PTPRS: variants seen among roughly 807,000 people sequenced by gnomAD.
PTPRS encodes receptor-type tyrosine-protein phosphatase S.
A neutral mutation model predicts 215.3 loss-of-function variants in PTPRS; 63 were observed. That is an observed-to-expected ratio of 0.29 (90% CI 0.24 to 0.36). The LOEUF is 0.36. PTPRS is among the 10% of genes least tolerant of loss of function. PTPRS has a pLI of 1.00. For synonymous variants in PTPRS, 1,404 were observed against 1,191.4 expected (o/e 1.18, Z -3.68); for missense variants, 2,258 against 2,825.8 (o/e 0.80, Z 4.56).
intron 1 of PTPRS, among the ~76,000 whole-genome samples, chr19:5,314,891 C>T (rs931514939): frequency 3.9e-5 from 6 of 152,190 alleles, no homozygotes; most frequent in African/African-American, 9.7e-5. Context: ...TCATTCAGAA[C>T]GTGGTTGCTG....
In PTPRS at chr19:5,229,527, C is replaced by T. The variant is rs573710734; in HGVS notation, c.2313G>A (p.Pro771=). Residue 771 remains proline (P), a synonymous_variant, in exon 15 of 38, where the codon CCG becomes CCA. Transcript: ENST00000262963. ...VRMEGAEARG[P]PRIKDVMLAD... ...CCAGCATGACGTCCTTGATGCGCGG[C>T]GGCCCGCGGGCCTCGGCGCCCTCCA... 5.1e-5 allele frequency: 74 copies of T among 1,465,080 alleles called. No individual in the cohort carries two copies. In the African/African-American group the frequency reaches 9.2e-4, roughly 18 times the overall value. The allele number at this position is 1,465,080 out of a possible 1,614,324, so 90.8% of individuals were successfully genotyped here.
intron 4 of PTPRS, among the ~76,000 whole-genome samples, chr19:5,265,536 C>T (rs2046338880): frequency 6.6e-6 from 1 of 152,084 alleles, no homozygotes; most frequent in South Asian, 2.1e-4. Context: ...GAGAGGGGGT[C>T]TCGCTGTGTT....
chr19:5,265,922 C>T lies in PTPRS; in HGVS notation c.380-726G>A, dbSNP rs368756813. ...GTTCATTTACAGCAGCCTGAGGACG[C>T]CTTTCTTTTTATCTTTTAAAAAATT... On this transcript the variant is annotated intron_variant, in intron 4 of 37. Transcript: ENST00000262963. Among the ~76,000 whole-genome samples, 3 of 152,074 alleles carry T rather than the reference C, an allele frequency of 2.0e-5. No individual in the cohort carries two copies. The East Asian group carries it at 5.8e-4, about 29-fold the overall frequency.
At position 5,257,503 on chromosome 19, in the gene PTPRS, C is replaced by T. The variant is rs1049191718; in HGVS notation, c.706+514G>A. The T allele has an allele frequency of 2.2e-5, 10 of 455,004 alleles. No homozygotes were observed. The highest frequency in any genetic ancestry group is 4.1e-4 in the Middle Eastern group (1 of 2,434). The allele number at this position is 455,004 out of a possible 1,614,324, so 28.2% of individuals were successfully genotyped here. On this transcript the variant is annotated intron_variant, in intron 8 of 37. Coordinates refer to ENST00000262963, the MANE Select transcript of PTPRS (RefSeq NM_002850.4). This position sits in a 1 kb window ranked among gnomAD's most constrained non-coding sequence, Gnocchi z 4.4. ...TGGTGGGGGGTGGGAGGGGCAGCCT[C>T]GAAGACCCCTCCTCAACTTCTAGAT... is the stretch of plus-strand genomic sequence containing the variant.
chr19:5,328,263 C>A (rs1011730464), intron 1 of PTPRS, among the ~76,000 whole-genome samples: 1 of 152,116 alleles, frequency 6.6e-6, no homozygotes, highest in African/African-American at 2.4e-5. Flanking sequence ...ATTACTGGCA[C>A]ACACCACCAC....
intron 37 of PTPRS, 84 bp downstream of exon 37, chr19:5,207,838 C>A: frequency 6.4e-7 from 1 of 1,562,404 alleles, no homozygotes; most frequent in Non-Finnish European, 8.7e-7. Flanking sequence ...GGTGGCTGTA[C>A]CCATCTCACA....
In PTPRS at chr19:5,231,599, A is replaced by C. The variant is rs773183026; in HGVS notation, c.1866T>G (p.Pro622=). Residue 622 remains proline, a synonymous_variant, in exon 14 of 38, where the codon CCT becomes CCG. Transcript: ENST00000262963. The part of the protein sequence containing the change: ...RTLQSKPSAP[P]QDVKCVSVRS... ...GCACGCTGACACATTTAACGTCTTG[A>C]GGGGGGGCTGACGGTTCTATTGGAG... The C allele has an allele frequency of 2.0e-6, 3 of 1,467,154 alleles. No homozygotes were observed. The highest frequency in any genetic ancestry group is 1.7e-5 in the African/African-American group (1 of 59,298). 90.9% of individuals were successfully genotyped at this position (1,467,154 alleles called of 1,614,324 possible). A position where few individuals can be genotyped will look rare whatever the true frequency, so the allele number is the denominator to read the frequency against.
rs1425250923 is a variant in PTPRS at position 5,244,436 on chromosome 19, G to A, written c.1035C>T (p.Ala345=). The change falls in exon 11 of 38, where the codon GCC becomes GCT. Residue 345 remains alanine, a synonymous_variant. Coordinates refer to ENST00000262963, the MANE Select transcript of PTPRS (RefSeq NM_002850.4). This position sits in a 1 kb window ranked among gnomAD's most constrained non-coding sequence, Gnocchi z 7.2. ...AGTCCCACGTGATGGTGATGCTGGTGGCTGTGTTCTCAGTCACCATGGGAG... is the reference window on the plus strand; with the variant it reads ...AGTCCCACGTGATGGTGATGCTGGTAGCTGTGTTCTCAGTCACCATGGGAG... ...PGTPMVTENT[A]TSITITWDSG... The A allele has an allele frequency of 9.3e-6, 15 of 1,614,170 alleles. No individual in the cohort carries two copies. Among genetic ancestry groups the A allele is most frequent in the Non-Finnish European group, 1.3e-5 (15 of 1,180,016 alleles).
intron 9 of PTPRS, chr19:5,250,909 G>A (rs1265154923): frequency 1.6e-5 from 2 of 126,742 alleles, no homozygotes; most frequent in Admixed American, 1.9e-4. Flanking sequence ...ACATCTCAAC[G>A]ATTCAGCAAG....
rs138684038 is a variant in PTPRS at position 5,219,318 on chromosome 19, G to C, written c.3915C>G (p.Leu1305=). ...GAGGACATGGGGCTTACTTCTTGTA[G>C]AGCAGGATAGCAATGACAATGCAGA... ...FIICIVIAIL[L]YKNKPDSKRK... Residue 1305 remains leucine (L), a synonymous_variant, in exon 23 of 38, where the codon CTC becomes CTG. Coordinates refer to ENST00000262963, the MANE Select transcript of PTPRS (RefSeq NM_002850.4). 390 of 1,614,098 alleles carry C rather than the reference G, an allele frequency of 2.4e-4. 1 individual carries two copies. In the African/African-American group the frequency reaches 3.2e-3, roughly 13 times the overall value.
chr19:5,236,849 G>GAAAAAAAAA, intron 13 of PTPRS, among the ~76,000 whole-genome samples: 1 of 128,258 alleles, frequency 7.8e-6, no homozygotes, highest in Non-Finnish European at 1.6e-5. Flanking sequence ...GGAGCAGGGG[G>GAAAAAAAAA]AAAAAAAAAA....
At chr19:5,221,747 A>G (rs2041997575) in intron 19 of PTPRS, among the ~76,000 whole-genome samples, 1 of 151,516 alleles carries the variant, frequency 6.6e-6, no homozygotes, top group Non-Finnish European at 1.5e-5. Context: ...CTAAGTACCA[A>G]CTCTGAGTCC....
intron 37 of PTPRS, 108 bp from the exon 38 acceptor site, chr19:5,206,950 T>C: frequency 1.0e-6 from 1 of 963,870 alleles, no homozygotes; most frequent in South Asian, 1.5e-5. Context: ...TGCGTGTCTC[T>C]TGCAGAAGGT....
chr19:5,230,753 G>A (rs1230355303), intron 14 of PTPRS, among the ~76,000 whole-genome samples: 2 of 152,164 alleles, frequency 1.3e-5, no homozygotes, highest in Non-Finnish European at 2.9e-5. Flanking sequence ...GAGCCACTGT[G>A]CTTGGCCAAG....
chr19:5,262,251 G>A (rs1297747096), intron 6 of PTPRS, among the ~76,000 whole-genome samples: 1 of 152,112 alleles, frequency 6.6e-6, no homozygotes, highest in Non-Finnish European at 1.5e-5. Context: ...CTCCAGCCTG[G>A]GTGACAGATT....
intron 28 of PTPRS, 103 bp from the exon 29 acceptor site, chr19:5,214,839 T>G: frequency 2.4e-6 from 3 of 1,230,682 alleles, no homozygotes; most frequent in Non-Finnish European, 3.4e-6. Flanking sequence ...CGCTCCCAGA[T>G]TGTCCCCAAG....
At chr19:5,277,904 A>T in intron 2 of PTPRS, 1 of 1,278,592 alleles carries the variant, frequency 7.8e-7, no homozygotes, top group South Asian at 1.2e-5. Context: ...TTGATGCCCA[A>T]CAGTGGTTAC....
At chr19:5,308,771 C>T (rs941581018) in intron 1 of PTPRS, among the ~76,000 whole-genome samples, 1 of 152,176 alleles carries the variant, frequency 6.6e-6, no homozygotes, top group African/African-American at 2.4e-5. Flanking sequence ...GCCCCGCAGC[C>T]GCCTGTCAGC....
chr19:5,219,561 G>A (rs996431010), intron 22 of PTPRS, 94 bp from the exon 23 acceptor site: 57 of 1,400,916 alleles, frequency 4.1e-5, no homozygotes, highest in Admixed American at 1.8e-4. Context: ...TTTCTCCCCC[G>A]CTCTAGATCC....
Sources: allele counts gnomAD v4.1 joint callset (sites outside exome capture counted in the v4.1 genomes callset), GRCh38; gene constraint gnomAD v4.1.1; non-coding constraint Gnocchi (gnomAD v3.1); transcripts MANE v1.5; gene names NCBI Gene and HGNC (gene_info 2026-07-23, HGNC 2026-07-21).